WDFY3: variants seen among roughly 807,000 people sequenced by gnomAD.
The protein encoded by WDFY3 is WD repeat and FYVE domain containing 3.
WDFY3 carries 66 observed loss-of-function variants against 409.6 expected under a neutral mutation model. The observed-to-expected ratio is 0.16, with a 90% CI of 0.13 to 0.20. The LOEUF (loss-of-function observed/expected upper bound fraction) is 0.20. Among genes scored for constraint, WDFY3 ranks in the 10% least tolerant of loss-of-function variants. WDFY3 has a pLI of 1.00. For missense variants in WDFY3, 3,031 were observed against 4,298.1 expected, an observed-to-expected ratio of 0.71 and a Z score of 8.24; for synonymous variants, 1,521 against 1,537.1, an observed-to-expected ratio of 0.99 and a Z score of 0.25.
chr4:84,849,627 G>T, intron 5 of WDFY3: 2 of 206,150 alleles, frequency 9.7e-6, no homozygotes, highest in Non-Finnish European at 1.9e-5. Flanking sequence ...TCATGCTGAG[G>T]AATTTGTATT....
chr4:84,929,275 ATCC>A (rs1210122173), intron 2 of WDFY3, among the ~76,000 whole-genome samples: 1 of 152,144 alleles, frequency 6.6e-6, no homozygotes, highest in African/African-American at 2.4e-5. Flanking sequence ...TTGGAAGCAG[ATCC>A]TCCCCCAGGA....
chr4:84,822,205 T>C (rs1233935458), intron 10 of WDFY3, among the ~76,000 whole-genome samples: 1 of 152,094 alleles, frequency 6.6e-6, no homozygotes, highest in East Asian at 1.9e-4. Flanking sequence ...ACAATAATTA[T>C]AAAGAAATTA....
chr4:84,714,928 C>T (rs565326215), intron 50 of WDFY3, among the ~76,000 whole-genome samples: 173 of 139,410 alleles, frequency 1.2e-3, no homozygotes, highest in African/African-American at 4.6e-3. Flanking sequence ...CTAGCCTGGG[C>T]GACAGAACGA....
rs149067356 is a variant in WDFY3, at chr4:84,672,963, G to A, written c.10486C>T (p.Arg3496Cys). Residue 3496 changes from arginine (R) to cysteine (C), a missense_variant, in exon 68 of 68, where the codon CGC becomes TGC. By Grantham distance (180) the Arg-to-Cys change is radical. Transcript: ENST00000295888. ...CGCACCGGGGATGAGATTTTCAAGC[G>A]TTTGATTTCAGATTGAAAGCGACTG... Reference protein sequence around the residue: ...KCSRFQSEIKRLKISSPVRVC... With the variant: ...KCSRFQSEIKCLKISSPVRVC... 6.6e-4 allele frequency: 1,027 copies of A among 1,562,210 alleles called. No homozygotes were observed. The highest frequency in any genetic ancestry group is 8.4e-4 in the Non-Finnish European group (967 of 1,148,988).
chr4:84,856,175 A>G (rs2150160963), intron 4 of WDFY3, among the ~76,000 whole-genome samples: 1 of 152,354 alleles, frequency 6.6e-6, no homozygotes, highest in Admixed American at 6.5e-5. Flanking sequence ...CTCTCTCTTA[A>G]GTCAACAAAT....
At chr4:84,705,638 T>C in intron 53 of WDFY3, 127 bp from the exon 54 acceptor site, 1 of 747,066 alleles carries the variant, frequency 1.3e-6, no homozygotes, top group Non-Finnish European at 2.3e-6. Flanking sequence ...GTCAAACTGG[T>C]ATAACTGGAC....
chr4:84,682,811 GTC>G (rs1578117867), intron 63 of WDFY3: 1 of 243,098 alleles, frequency 4.1e-6, no homozygotes, highest in Non-Finnish European at 8.2e-6. Context: ...GTGAAACCCT[GTC>G]TCTACTAGAA....
In WDFY3 at chr4:84,808,356, T is replaced by C. The variant is rs753174456; in HGVS notation, c.2407A>G (p.Thr803Ala). Reference sequence around the variant, plus strand: ...TACCTTTTCCTGGACAAAGCTGGTGTACCCCAAGGAGAGGGGAGAGAAGAC... The same window carrying C: ...TACCTTTTCCTGGACAAAGCTGGTGCACCCCAAGGAGAGGGGAGAGAAGAC... ...SESSLPSPWG[T>A]PALSRKRHAY... The change falls in exon 15 of 68, where the codon ACA becomes GCA. Residue 803 changes from threonine (T) to alanine (A), a missense_variant. By Grantham distance (58) the Thr-to-Ala change is moderately conservative. Transcript: ENST00000295888. 7 of 1,613,832 alleles carry C rather than the reference T, an allele frequency of 4.3e-6. No individual in the cohort carries two copies. Among genetic ancestry groups the C allele is most frequent in the Non-Finnish European group, 5.9e-6 (7 of 1,179,762 alleles).
chr4:84,849,433 GA>G (rs1458609932), intron 5 of WDFY3, among the ~76,000 whole-genome samples: 1 of 152,100 alleles, frequency 6.6e-6, no homozygotes, highest in Admixed American at 6.6e-5. Flanking sequence ...ATATTGAAAT[GA>G]GGAAAGATTC....
intron 2 of WDFY3, among the ~76,000 whole-genome samples, chr4:84,922,717 T>C (rs1214136339): frequency 6.6e-6 from 1 of 152,134 alleles, no homozygotes; most frequent in African/African-American, 2.4e-5. Flanking sequence ...TGGAGTGCAG[T>C]GGCACCATCA....
At chr4:84,942,672 A>G in intron 1 of WDFY3, among the ~76,000 whole-genome samples, 1 of 152,186 alleles carries the variant, frequency 6.6e-6, no homozygotes, top group East Asian at 1.9e-4. Context: ...ACCAAACTTA[A>G]CATCATCAGA....
chr4:84,728,397 G>A (rs896069382), intron 44 of WDFY3, among the ~76,000 whole-genome samples: 5 of 152,030 alleles, frequency 3.3e-5, no homozygotes, highest in African/African-American at 9.7e-5. Flanking sequence ...TGGCATAGTG[G>A]TGCATGACTG....
chr4:84,936,241 T>C lies in WDFY3; in HGVS notation c.-225-3878A>G, dbSNP rs367815294. The stretch of plus-strand genomic sequence containing the variant: ...GCTGGGTCTTATCATACTCTTTGGG[T>C]GGGGAGTGGTGGCTCACGCCTGTAA... On this transcript the variant is annotated intron_variant, in intron 1 of 67. Coordinates refer to ENST00000295888, the MANE Select transcript of WDFY3 (RefSeq NM_014991.6). Among the ~76,000 whole-genome samples the C allele has an allele frequency of 8.2e-3, 1,240 of 152,144 alleles. 14 individuals carry two copies. The highest frequency in any genetic ancestry group is 0.028 in the African/African-American group (1,163 of 41,518).
At chr4:84,764,556 A>G (rs1467600520) in intron 32 of WDFY3, among the ~76,000 whole-genome samples, 6 of 152,154 alleles carry the variant, frequency 3.9e-5, no homozygotes, top group Non-Finnish European at 1.5e-5. Flanking sequence ...CAATAGTACT[A>G]TGTTGAAAGA....
At chr4:84,807,417 T>C (rs1578612524) in intron 15 of WDFY3, among the ~76,000 whole-genome samples, 1 of 152,300 alleles carries the variant, frequency 6.6e-6, no homozygotes, top group Middle Eastern at 3.4e-3. Context: ...TGCAAATATG[T>C]TGAAATACTG....
At chr4:84,795,855 T>C (rs1255624033) in intron 19 of WDFY3, among the ~76,000 whole-genome samples, 1 of 152,152 alleles carries the variant, frequency 6.6e-6, no homozygotes, top group African/African-American at 2.4e-5. Flanking sequence ...TTGAACTTCA[T>C]GAATTCTTAT....
chr4:84,736,303 C>T lies in WDFY3; in HGVS notation c.6782G>A (p.Arg2261Gln), dbSNP rs1737420159. 4 of 1,599,424 alleles carry T rather than the reference C, an allele frequency of 2.5e-6. No homozygotes were observed. The highest frequency in any genetic ancestry group is 3.4e-6 in the Non-Finnish European group (4 of 1,174,496). ...TGTGGTGGGCGCTAAAGCTTCTCCTCGACTTATGCATTTCTTTTCATGGGC... is the reference window on the plus strand; with the variant it reads ...TGTGGTGGGCGCTAAAGCTTCTCCTTGACTTATGCATTTCTTTTCATGGGC... ...HLAHEKKCIS[R>Q]GEALAPTTQS... The change falls in exon 42 of 68, where the codon CGA becomes CAA. Residue 2261 changes from arginine to glutamine, a missense_variant. Physicochemically the swap from Arg to Gln is conservative, Grantham distance 43. This residue lies in a region of WDFY3 where 98 missense variants were observed against 194.9 expected (regional missense o/e 0.50). Coordinates refer to ENST00000295888, the MANE Select transcript of WDFY3 (RefSeq NM_014991.6).
rs1010792413 is a variant in WDFY3 at position 84,741,929 on chromosome 4, C to G, written c.6074-8G>C. On this transcript the variant is annotated splice_polypyrimidine_tract_variant and splice_region_variant and intron_variant, in intron 37 of 67. Transcript: ENST00000295888. Reference sequence around the variant, plus strand: ...GCAGAGATGCATCTTCCCCTAAATTCCAGTAGGAAAAAAAGTCTAAGAAAA... The same window carrying G: ...GCAGAGATGCATCTTCCCCTAAATTGCAGTAGGAAAAAAAGTCTAAGAAAA... 3 of 1,565,048 alleles carry G rather than the reference C, an allele frequency of 1.9e-6. No individual in the cohort carries two copies. In the South Asian group the frequency reaches 3.5e-5, roughly 18 times the overall value.
intron 4 of WDFY3, among the ~76,000 whole-genome samples, chr4:84,853,987 G>A (rs544069174): frequency 1.3e-5 from 2 of 152,214 alleles, no homozygotes; most frequent in African/African-American, 4.8e-5. Context: ...GGACATTTTA[G>A]CACAGAAGAC....
Sources: gnomAD v4.1 joint callset for allele counts (sites outside exome capture counted in the v4.1 genomes callset) on GRCh38, gnomAD v4.1.1 for gene constraint, gnomAD v4.1.1 regional missense constraint, MANE v1.5 for transcripts, NCBI Gene and HGNC (gene_info 2026-07-23, HGNC 2026-07-21) for gene names.